ARHGEF1: variants seen among roughly 807,000 people sequenced by gnomAD.
The protein encoded by ARHGEF1 is 115 kDa guanine nucleotide exchange factor.
A neutral mutation model predicts 119.7 loss-of-function variants in ARHGEF1; 40 were observed. The ratio of observed to expected loss-of-function variants is 0.33; its 90% CI spans 0.26 to 0.44. The LOEUF is 0.44. ARHGEF1 is among the 20% of genes least tolerant of loss of function. The probability of loss-of-function intolerance (pLI) is 1.00; values close to 1 mark genes in which losing one functional copy is unlikely to be tolerated. For missense variants in ARHGEF1, 976 were observed against 1,268.3 expected, an observed-to-expected ratio of 0.77 and a Z score of 3.50; for synonymous variants, 494 against 521.0, an observed-to-expected ratio of 0.95 and a Z score of 0.71.
At position 41,905,808 on chromosome 19, in the gene ARHGEF1, A is replaced by G; in HGVS notation, c.2385A>G (p.Arg795=). Residue 795 remains arginine, a synonymous_variant, in exon 25 of 29, where the codon CGA becomes CGG. Transcript: ENST00000354532. This position sits in a 1 kb window ranked among gnomAD's most constrained non-coding sequence, Gnocchi z 6.4. ...GCTCTGAGAACGGCAATGGTGGCCG[A>G]GAGACGTCTCCAGCTGATGGTGAGA... ...LSSSENGNGG[R]ETSPADARTE... 1.2e-6 allele frequency: 2 copies of G among 1,614,100 alleles called. No homozygotes were observed. Among genetic ancestry groups the G allele is most frequent in the African/African-American group, 2.7e-5 (2 of 75,026 alleles).
In ARHGEF1 at chr19:41,906,405, C is replaced by G; in HGVS notation, c.2492-52C>G. The G allele has an allele frequency of 6.6e-7, 1 of 1,505,552 alleles. No homozygotes were observed. The highest frequency in any genetic ancestry group is 8.9e-7 in the Non-Finnish European group (1 of 1,126,852). 93.3% of individuals were successfully genotyped at this position (1,505,552 alleles called of 1,614,324 possible). A position where few individuals can be genotyped will look rare whatever the true frequency, so the allele number is the denominator to read the frequency against. ...CCCTTTGGAATCCCCCATCCCAGAT[C>G]CCAGCCCAGCCCCCTGGTCTCCTGA... On this transcript the variant is annotated intron_variant, in intron 26 of 28. Coordinates refer to ENST00000354532, the MANE Select transcript of ARHGEF1 (RefSeq NM_004706.4). This position sits in a 1 kb window ranked among gnomAD's most constrained non-coding sequence, Gnocchi z 4.5.
intron 11 of ARHGEF1, 40 bp from the exon 12 acceptor site, chr19:41,895,309 G>A: frequency 6.3e-7 from 1 of 1,575,548 alleles, no homozygotes; most frequent in Non-Finnish European, 8.6e-7. Flanking sequence ...TTGAGTTACT[G>A]TTCTCTTATC....
downstream of ARHGEF1, among the ~76,000 whole-genome samples, chr19:41,910,385 C>T (rs1239486397): frequency 1.3e-5 from 2 of 152,126 alleles, no homozygotes; most frequent in Non-Finnish European, 2.9e-5. The surrounding 1 kb of genome is among the most constrained non-coding windows in gnomAD (Gnocchi z 4.4). Flanking sequence ...TTGGGAGGGA[C>T]TGGCTTCCTG....
At position 41,924,016 on chromosome 19, in the gene ARHGEF1, G is replaced by T. The variant is rs550111468; in HGVS notation, c.140+783G>T. 2.4e-4 allele frequency among the ~76,000 whole-genome samples: 32 copies of T among 136,066 alleles called. No individual in the cohort carries two copies. The South Asian group carries it at 7.7e-3, about 33-fold the overall frequency. The allele number at this position is 136,066 out of a possible 152,430, so 89.3% of individuals were successfully genotyped here. ...CTGTGCTGGGGGTGTGTCTGGGGAGGTGGGGGTGCTCTGGGAGGGGGCTGT... is the reference window on the plus strand; with the variant it reads ...CTGTGCTGGGGGTGTGTCTGGGGAGTTGGGGGTGCTCTGGGAGGGGGCTGT... On this transcript the variant is annotated intron_variant, in intron 1 of 2. Transcript: ENST00000594417.
Position 41,906,085 on chromosome 19 carries a change from T to A in ARHGEF1, c.2491+60T>A. ...GCCCAAACAGTGCCTCTGTTCCAACTAGAACAAGGCTCTCCACGTCAAAAA... is the reference window on the plus strand; with the variant it reads ...GCCCAAACAGTGCCTCTGTTCCAACAAGAACAAGGCTCTCCACGTCAAAAA... On this transcript the variant is annotated intron_variant, in intron 26 of 28. Coordinates refer to ENST00000354532, the MANE Select transcript of ARHGEF1 (RefSeq NM_004706.4). The surrounding 1 kb of genome is among the most constrained non-coding windows in gnomAD (Gnocchi z 4.5). The A allele has an allele frequency of 6.7e-7, 1 of 1,483,324 alleles. No individual in the cohort carries two copies. Among genetic ancestry groups the A allele is most frequent in the Non-Finnish European group, 9.4e-7 (1 of 1,066,548 alleles). The allele number at this position is 1,483,324 out of a possible 1,614,324, so 91.9% of individuals were successfully genotyped here.
In ARHGEF1 at chr19:41,898,553, C is replaced by A; in HGVS notation, c.1233C>A (p.Pro411=). Residue 411 remains proline (P), a synonymous_variant, in exon 14 of 29, where the codon CCC becomes CCA. Transcript: ENST00000354532. The stretch of plus-strand genomic sequence containing the variant: ...CCCCAGACACCCTGCACAGCCTGCC[C>A]AAGAGCCAGGTGAAGCGGCAGGAGG... ...LVPPDTLHSL[P]KSQVKRQEVI... is the part of the protein sequence containing the mutation. The A allele has an allele frequency of 6.3e-7, 1 of 1,578,532 alleles. No individual in the cohort carries two copies. Among genetic ancestry groups the A allele is most frequent in the Non-Finnish European group, 8.6e-7 (1 of 1,162,562 alleles).
Position 41,903,417 on chromosome 19 carries a change from G to A in ARHGEF1, c.1839+10G>A. 6.2e-7 allele frequency: 1 copy of A among 1,613,398 alleles called. No individual in the cohort carries two copies. Among genetic ancestry groups the A allele is most frequent in the Non-Finnish European group, 8.5e-7 (1 of 1,179,716 alleles). ...CATGGAGGACCTGCTGGTGAGCCTG[G>A]GCTGGCCCCACACCCGGGACAGTGG... is the stretch of plus-strand genomic sequence containing the variant. On this transcript the variant is annotated intron_variant, in intron 19 of 28. Coordinates refer to ENST00000354532, the MANE Select transcript of ARHGEF1 (RefSeq NM_004706.4). The surrounding 1 kb of genome is among the most constrained non-coding windows in gnomAD (Gnocchi z 4.2).
chr19:41,907,408 C>T lies in ARHGEF1; in HGVS notation c.*321C>T, dbSNP rs977842267. ...CAAGTGCCTTCGCTCTGTTTTTATACCCTGAATTGGAGGTTTATTTTTTAA... is the reference window on the plus strand; with the variant it reads ...CAAGTGCCTTCGCTCTGTTTTTATATCCTGAATTGGAGGTTTATTTTTTAA... On this transcript the variant is annotated 3_prime_UTR_variant, in exon 29 of 29. Coordinates refer to ENST00000354532, the MANE Select transcript of ARHGEF1 (RefSeq NM_004706.4). 7 of 1,528,590 alleles carry T rather than the reference C, an allele frequency of 4.6e-6. No individual in the cohort carries two copies. Among genetic ancestry groups the T allele is most frequent in the Non-Finnish European group, 6.1e-6 (7 of 1,141,920 alleles). 94.7% of individuals were successfully genotyped at this position (1,528,590 alleles called of 1,614,324 possible).
upstream of ARHGEF1, among the ~76,000 whole-genome samples, chr19:41,920,505 C>G (rs1459756036): frequency 6.6e-6 from 1 of 150,922 alleles, no homozygotes; most frequent in Non-Finnish European, 1.5e-5. Context: ...ATGACGCACT[C>G]AGACATGACA....
chr19:41,914,815 A>ACCATCTCTGTCT, intron 18 of ARHGEF1, among the ~76,000 whole-genome samples: 1 of 5,250 alleles, frequency 1.9e-4, no homozygotes, highest in Admixed American at 2.3e-3. Context: ...CTCCCCCTCC[A>ACCATCTCTGTCT]CCGTGTCTCC....
In ARHGEF1 at chr19:41,883,269, T is replaced by G. The variant is rs1555844696; in HGVS notation, c.-40T>G. 1.0e-5 allele frequency: 2 copies of G among 199,032 alleles called. No homozygotes were observed. The highest frequency in any genetic ancestry group is 5.4e-5 in the Admixed American group (1 of 18,378). 12.3% of individuals were successfully genotyped at this position (199,032 alleles called of 1,614,324 possible). ...AGCCCGACCTCGGGCGCCCCGCCGGTCACCTCCGCGCGGACACCAGGTACT... is the reference window on the plus strand; with the variant it reads ...AGCCCGACCTCGGGCGCCCCGCCGGGCACCTCCGCGCGGACACCAGGTACT... On this transcript the variant is annotated 5_prime_UTR_variant, in exon 1 of 29. Coordinates refer to ENST00000354532, the MANE Select transcript of ARHGEF1 (RefSeq NM_004706.4). The surrounding 1 kb of genome is among the most constrained non-coding windows in gnomAD (Gnocchi z 7.6).
At position 41,892,315 on chromosome 19, in the gene ARHGEF1, T is replaced by C; in HGVS notation, c.325-16T>C. On this transcript the variant is annotated splice_polypyrimidine_tract_variant and intron_variant, in intron 5 of 28. Transcript: ENST00000354532. This position sits in a 1 kb window ranked among gnomAD's most constrained non-coding sequence, Gnocchi z 6.3. ...CACCAAGTCCTCCTCTTCACCCCAT[T>C]CTCTCTCTTGAGCAGGTTCTCCGGG... 2 of 1,613,470 alleles carry C rather than the reference T, an allele frequency of 1.2e-6. No individual in the cohort carries two copies. Among genetic ancestry groups the C allele is most frequent in the Middle Eastern group, 3.3e-4 (2 of 6,058 alleles).
intron 10 of ARHGEF1, 31 bp from the exon 11 acceptor site, chr19:41,894,595 C>G (rs781878112): frequency 6.2e-7 from 1 of 1,614,054 alleles, no homozygotes; most frequent in Non-Finnish European, 8.5e-7. Context: ...CCAGCTGCTC[C>G]CACTCACTGT....
intron 18 of ARHGEF1, among the ~76,000 whole-genome samples, chr19:41,913,110 C>T (rs2074763758): frequency 6.6e-6 from 1 of 151,978 alleles, no homozygotes; most frequent in Non-Finnish European, 1.5e-5. Context: ...TGTCCCCAGC[C>T]GTTCCCGGCC....
In ARHGEF1 at chr19:41,916,931, C is replaced by A. The variant is rs147202279; in HGVS notation, c.1866-6161C>A. Among the ~76,000 whole-genome samples the A allele has an allele frequency of 6.3e-4, 96 of 152,306 alleles. No homozygotes were observed. The highest frequency in any genetic ancestry group is 2.7e-3 in the South Asian group (13 of 4,826). Reference sequence around the variant, plus strand: ...CAGAGATGACCCCAACCCAAGGCCCCTGCCACTCCTGCTCCCACCATCCCC... The same window carrying A: ...CAGAGATGACCCCAACCCAAGGCCCATGCCACTCCTGCTCCCACCATCCCC... On this transcript the variant is annotated intron_variant, in intron 18 of 20. Coordinates refer to the ARHGEF1 transcript ENST00000599589. This position sits in a 1 kb window ranked among gnomAD's most constrained non-coding sequence, Gnocchi z 5.4.
At chr19:41,884,207 A>C (rs2074258977) in intron 1 of ARHGEF1, among the ~76,000 whole-genome samples, 1 of 152,164 alleles carries the variant, frequency 6.6e-6, no homozygotes, top group African/African-American at 2.4e-5. Flanking sequence ...TGACGGGGGC[A>C]GTCGAGATAC....
rs1247568963 is a variant in ARHGEF1, at chr19:41,916,661, C to T, written c.1866-6431C>T. 2.0e-5 allele frequency among the ~76,000 whole-genome samples: 3 copies of T among 152,028 alleles called. No individual in the cohort carries two copies. Among genetic ancestry groups the T allele is most frequent in the Non-Finnish European group, 2.9e-5 (2 of 68,006 alleles). On this transcript the variant is annotated intron_variant, in intron 18 of 20. Transcript: ENST00000599589. The surrounding 1 kb of genome is among the most constrained non-coding windows in gnomAD (Gnocchi z 5.4). ...GCACACAGAAACAGACACACAGTCA[C>T]ACAACCAAGCACCACCGACCCTCGA...
chr19:41,886,253 T>C (rs11883018), intron 1 of ARHGEF1, among the ~76,000 whole-genome samples: 5,637 of 152,206 alleles, frequency 0.037, 355 homozygotes, highest in African/African-American at 0.12. Context: ...AGTGTCTCTT[T>C]TGTGTCAGCT....
rs1253459467 is a variant in ARHGEF1, at chr19:41,905,571, G to A, written c.2337-189G>A. On this transcript the variant is annotated intron_variant, in intron 24 of 28. Coordinates refer to ENST00000354532, the MANE Select transcript of ARHGEF1 (RefSeq NM_004706.4). The surrounding 1 kb of genome is among the most constrained non-coding windows in gnomAD (Gnocchi z 6.4). ...CATGTGCCGACCCCACCACTGCCCC[G>A]TCTGTCTCCTGTCTCCAGGCCTCTG... The A allele has an allele frequency of 3.3e-5, 21 of 645,530 alleles. No homozygotes were observed. The highest frequency in any genetic ancestry group is 4.0e-5 in the Non-Finnish European group (15 of 376,220). The allele number at this position is 645,530 out of a possible 1,614,324, so 40.0% of individuals were successfully genotyped here.
Sources: allele counts gnomAD v4.1 joint callset (sites outside exome capture counted in the v4.1 genomes callset), GRCh38; gene constraint gnomAD v4.1.1; non-coding constraint Gnocchi (gnomAD v3.1); transcripts MANE v1.5; gene names NCBI Gene and HGNC (gene_info 2026-07-23, HGNC 2026-07-21).